Variants in TDRD7 observed in about 807,000 individuals in gnomAD.
TDRD7 encodes the protein tudor domain-containing protein 7.
Under a neutral mutation model 109.8 loss-of-function variants are expected in TDRD7, and 47 were observed. The observed-to-expected ratio is 0.43, with a 90% CI of 0.34 to 0.55. The LOEUF (loss-of-function observed/expected upper bound fraction) is 0.55, where lower values mean the gene tolerates loss of function less well. Ranked by LOEUF, TDRD7 falls within the 20% of genes least tolerant of loss-of-function variation. The pLI, the probability that TDRD7 is intolerant of heterozygous loss-of-function variation, is 0.03. For synonymous variants in TDRD7, 424 were observed against 457.3 expected, an observed-to-expected ratio of 0.93 and a Z score of 0.93; for missense variants, 1,164 against 1,319.2, an observed-to-expected ratio of 0.88 and a Z score of 1.82.
chr9:97,481,660 T>A (rs972758577), intron 14 of TDRD7, among the ~76,000 whole-genome samples: 1 of 152,240 alleles, frequency 6.6e-6, no homozygotes, highest in Non-Finnish European at 1.5e-5. Flanking sequence ...AGTGTACAAT[T>A]ACATGCTTAA....
intron 5 of TDRD7, among the ~76,000 whole-genome samples, chr9:97,439,765 A>G (rs1440727097): frequency 6.6e-6 from 1 of 152,256 alleles, no homozygotes; most frequent in Non-Finnish European, 1.5e-5. Flanking sequence ...GTGTACAGTT[A>G]CCACTAATCA....
chr9:97,422,351 G>A (rs1827913973), intron 1 of TDRD7, among the ~76,000 whole-genome samples: 1 of 152,026 alleles, frequency 6.6e-6, no homozygotes, highest in South Asian at 2.1e-4. Flanking sequence ...AGCCAAGATT[G>A]TGCCACTGCA....
Position 97,473,576 on chromosome 9 carries a change from A to C in TDRD7, c.2029A>C (p.Asn677His). The C allele has an allele frequency of 6.2e-7, 1 of 1,613,896 alleles. No homozygotes were observed. The highest frequency in any genetic ancestry group is 1.1e-5 in the South Asian group (1 of 91,090). Residue 677 changes from asparagine to histidine, a missense_variant, in exon 11 of 17, where the codon AAC becomes CAC. This residue lies in a region of TDRD7 where 261 missense variants were observed against 336.2 expected (regional missense o/e 0.78). Coordinates refer to ENST00000355295, the MANE Select transcript of TDRD7 (RefSeq NM_014290.3). Reference protein sequence around the residue: ...LYCQVPCKGLNKLSDLLRKIE... With the variant: ...LYCQVPCKGLHKLSDLLRKIE... ...CTGCCAGGTGCCTTGTAAGGGTCTG[A>C]ACAAGCTCAGTGACCTTCTACGTAA...
chr9:97,460,546 G>C lies in TDRD7; in HGVS notation c.1224G>C (p.Leu408Phe). The change falls in exon 7 of 17, where the codon TTG (leucine) becomes TTC (phenylalanine). Residue 408 changes from leucine to phenylalanine, a missense_variant. By Grantham distance (22) the Leu-to-Phe change is conservative. This residue lies in a region of TDRD7 where 407 missense variants were observed against 394.0 expected (regional missense o/e 1.03). Coordinates refer to ENST00000355295, the MANE Select transcript of TDRD7 (RefSeq NM_014290.3). ...QKAILYAKLP[L>F]PTDKIQKDAG... ...CCATTCTCTATGCTAAACTTCCATT[G>C]CCCACTGACAAAATCCAAAAGGATG... The C allele has an allele frequency of 6.2e-7, 1 of 1,614,150 alleles. No homozygotes were observed. Among genetic ancestry groups the C allele is most frequent in the Non-Finnish European group, 8.5e-7 (1 of 1,180,034 alleles).
intron 1 of TDRD7, among the ~76,000 whole-genome samples, chr9:97,418,945 ACT>A (rs1277586398): frequency 3.3e-5 from 5 of 152,104 alleles, no homozygotes; most frequent in South Asian, 2.1e-4. Flanking sequence ...TACCATGGAA[ACT>A]CTATTCTTAA....
At chr9:97,435,676 T>C (rs2118329205) in intron 4 of TDRD7, among the ~76,000 whole-genome samples, 1 of 152,052 alleles carries the variant, frequency 6.6e-6, no homozygotes, top group Non-Finnish European at 1.5e-5. Flanking sequence ...CTGCTTGAGA[T>C]GTTGTAAAAC....
intron 12 of TDRD7, among the ~76,000 whole-genome samples, chr9:97,478,172 A>T (rs990665963): frequency 1.3e-5 from 2 of 152,088 alleles, no homozygotes; most frequent in East Asian, 3.8e-4. Flanking sequence ...GAGGCAGGAG[A>T]ATCACTTGAA....
At chr9:97,483,465 G>A (rs1417856321) in intron 15 of TDRD7, 114 bp downstream of exon 15, 23 of 1,273,300 alleles carry the variant, frequency 1.8e-5, no homozygotes, top group East Asian at 2.5e-5. Flanking sequence ...AATTTTGAAT[G>A]TGAAACAAAC....
intron 13 of TDRD7, among the ~76,000 whole-genome samples, chr9:97,480,126 C>A (rs896519062): frequency 6.6e-6 from 1 of 152,314 alleles, no homozygotes; most frequent in East Asian, 1.9e-4. Context: ...TGGGTTTCAT[C>A]CCCTTCACAA....
At chr9:97,482,509 T>G (rs1423532349) in intron 14 of TDRD7, among the ~76,000 whole-genome samples, 1 of 152,224 alleles carries the variant, frequency 6.6e-6, no homozygotes, top group Non-Finnish European at 1.5e-5. Context: ...CATTTCTACT[T>G]TAAGTGTTTC....
chr9:97,425,123 A>T (rs993543317), intron 1 of TDRD7, among the ~76,000 whole-genome samples: 1 of 152,016 alleles, frequency 6.6e-6, no homozygotes, highest in Non-Finnish European at 1.5e-5. Flanking sequence ...CACATGAGGG[A>T]ATTTTTTTGG....
Position 97,420,878 on chromosome 9 carries a change from A to G in TDRD7, c.-6-7582A>G, listed in dbSNP as rs142918627. 1.3e-4 allele frequency among the ~76,000 whole-genome samples: 20 copies of G among 152,332 alleles called. No individual in the cohort carries two copies. The East Asian group carries it at 3.9e-3, about 29-fold the overall frequency. On this transcript the variant is annotated intron_variant, in intron 1 of 16. Coordinates refer to ENST00000355295, the MANE Select transcript of TDRD7 (RefSeq NM_014290.3). ...GCCGGGGCAGTGGCTTATGTCTGTAATCCCAGCATTTTGGAAGGCCAGGGC... is the reference window on the plus strand; with the variant it reads ...GCCGGGGCAGTGGCTTATGTCTGTAGTCCCAGCATTTTGGAAGGCCAGGGC...
At chr9:97,431,905 G>A (rs1828110106) in intron 3 of TDRD7, 120 bp from the exon 4 acceptor site, 2 of 938,804 alleles carry the variant, frequency 2.1e-6, no homozygotes, top group Admixed American at 1.7e-5. Context: ...ACCTCCTCGT[G>A]TTCTTACAAA....
rs1450518804 is a variant in TDRD7, at chr9:97,412,346, G to C, written c.-7+108G>C. On this transcript the variant is annotated intron_variant, in intron 1 of 16. Transcript: ENST00000355295. The surrounding 1 kb of genome is among the most constrained non-coding windows in gnomAD (Gnocchi z 4.3). The stretch of plus-strand genomic sequence containing the variant: ...GGTCACCGGTGGGACCGCGGCCAGG[G>C]CCGGGGGCTCCAACAGGCTCGGGGC... 6.6e-6 allele frequency: 1 copy of C among 152,214 alleles called. No individual in the cohort carries two copies. The highest frequency in any genetic ancestry group is 2.4e-5 in the African/African-American group (1 of 41,468). 9.4% of individuals were successfully genotyped at this position (152,214 alleles called of 1,614,324 possible). A position where few individuals can be genotyped will look rare whatever the true frequency, so the allele number is the denominator to read the frequency against.
Position 97,439,668 on chromosome 9 carries a change from C to A in TDRD7, c.637+350C>A, listed in dbSNP as rs182562575. ...AGGCCTCACATAAAGGAAACATCTG[C>A]TGTGGATTAAAAGTGCATAAATATG... On this transcript the variant is annotated intron_variant, in intron 5 of 16. Transcript: ENST00000355295. 9.2e-4 allele frequency among the ~76,000 whole-genome samples: 140 copies of A among 152,266 alleles called. 1 individual carries two copies. The highest frequency in any genetic ancestry group is 1.6e-3 in the Non-Finnish European group (110 of 68,016).
chr9:97,481,420 G>A (rs1203928866), intron 14 of TDRD7, among the ~76,000 whole-genome samples: 2 of 152,010 alleles, frequency 1.3e-5, no homozygotes, highest in African/African-American at 2.4e-5. Flanking sequence ...TATTTCACTA[G>A]CTCTTGTTTC....
intron 1 of TDRD7, among the ~76,000 whole-genome samples, chr9:97,422,203 G>A (rs1827911023): frequency 6.6e-6 from 1 of 152,068 alleles, no homozygotes; most frequent in Non-Finnish European, 1.5e-5. Context: ...GACCAGCCTA[G>A]CCAACATGGC....
chr9:97,464,773 A>G, intron 7 of TDRD7, 69 bp from the exon 8 acceptor site: 1 of 1,587,684 alleles, frequency 6.3e-7, no homozygotes, highest in Non-Finnish European at 8.6e-7. Context: ...AGAAGGACAA[A>G]AACGAATTCC....
In TDRD7 at chr9:97,439,289, T is replaced by C. The variant is rs1159613238; in HGVS notation, c.608T>C (p.Leu203Pro). 2 of 1,603,406 alleles carry C rather than the reference T, an allele frequency of 1.2e-6. No individual in the cohort carries two copies. Among genetic ancestry groups the C allele is most frequent in the African/African-American group, 2.7e-5 (2 of 74,938 alleles). ...ASLQPPLQMH[L>P]SRTSTKEMSD... The stretch of plus-strand genomic sequence containing the variant: ...CTTCAACCACCTTTGCAGATGCATC[T>C]CTCAAGAACCTCTACTAAGGAAATG... The change falls in exon 5 of 17, where the codon CTC becomes CCC. Residue 203 changes from leucine (L) to proline (P), a missense_variant. By Grantham distance (98) the Leu-to-Pro change is moderately conservative. Around this residue, in one of 5 missense-constraint regions of TDRD7, gnomAD observed 407 missense variants for 394.0 expected, o/e 1.03. Transcript: ENST00000355295.
Sources: allele counts gnomAD v4.1 joint callset (sites outside exome capture counted in the v4.1 genomes callset), GRCh38; gene constraint gnomAD v4.1.1; regional missense constraint gnomAD v4.1.1; non-coding constraint Gnocchi (gnomAD v3.1); transcripts MANE v1.5; gene names NCBI Gene and HGNC (gene_info 2026-07-23, HGNC 2026-07-21).